The following FBRSL1 variants were observed in gnomAD, a reference collection of about 807,000 sequenced individuals.
FBRSL1 encodes the protein fibrosin like 1.
A neutral mutation model predicts 89.6 loss-of-function variants in FBRSL1; 51 were observed. The observed-to-expected ratio is 0.57, with a 90% CI of 0.45 to 0.72. FBRSL1 has a LOEUF of 0.72. Ranked by LOEUF, FBRSL1 falls within the 30% of genes least tolerant of loss-of-function variation. The pLI is 0.00. For synonymous variants in FBRSL1, 779 were observed against 681.1 expected (o/e 1.14, Z -2.24); for missense variants, 1,618 against 1,451.8 (o/e 1.11, Z -1.86).
intron 15 of FBRSL1, among the ~76,000 whole-genome samples, chr12:132,579,877 G>C (rs2040625268): frequency 6.6e-6 from 1 of 152,108 alleles, no homozygotes; most frequent in South Asian, 2.1e-4. Flanking sequence ...TCTCCACTGG[G>C]TGTGGTATTC....
At chr12:132,518,414 A>G (rs1310376127) in intron 2 of FBRSL1, among the ~76,000 whole-genome samples, 1 of 150,520 alleles carries the variant, frequency 6.6e-6, no homozygotes, top group Non-Finnish European at 1.5e-5. Flanking sequence ...CCATCCACCC[A>G]TGCGTCCATC....
rs1403008489 is a variant in FBRSL1 at position 132,583,591 on chromosome 12, GGCTCCTGGC to G, written c.2825_2833del (p.Leu942_Ala944del). On this transcript the variant is annotated inframe_deletion, in exon 19 of 19. Transcript: ENST00000680143. ...CTCTCGCCCGCCGCGCTGCACAATGGGCTCCTGGCGCGGACCCCGCCCGCCGCCGCCGCC... is the reference window on the plus strand; with the variant it reads ...CTCTCGCCCGCCGCGCTGCACAATGGGCGGACCCCGCCCGCCGCCGCCGCC... 3 of 996,246 alleles carry G rather than the reference GGCTCCTGGC, an allele frequency of 3.0e-6. No individual in the cohort carries two copies. The African/African-American group carries it at 5.3e-5, about 18-fold the overall frequency. The allele number at this position is 996,246 out of a possible 1,614,324, so 61.7% of individuals were successfully genotyped here.
intron 2 of FBRSL1, among the ~76,000 whole-genome samples, chr12:132,508,565 A>C (rs1439363706): frequency 6.6e-6 from 1 of 152,192 alleles, no homozygotes; most frequent in African/African-American, 2.4e-5. Flanking sequence ...TGACGTGCCC[A>C]GGGCCACAGC....
chr12:132,510,375 C>T (rs549903736), intron 2 of FBRSL1: 467 of 1,231,830 alleles, frequency 3.8e-4, no homozygotes, highest in Middle Eastern at 6.2e-4. Context: ...CCGGCCCCTG[C>T]GGTCCCGGTG....
chr12:132,577,057 G>A, intron 15 of FBRSL1, 126 bp downstream of exon 15: 1 of 1,297,122 alleles, frequency 7.7e-7, no homozygotes. Flanking sequence ...GCTTCTTGAT[G>A]CTCACCACTT....
chr12:132,491,961 C>G (rs1462353837), intron 1 of FBRSL1, among the ~76,000 whole-genome samples: 2 of 152,236 alleles, frequency 1.3e-5, no homozygotes, highest in Non-Finnish European at 2.9e-5. Flanking sequence ...ATCACACAGG[C>G]TGGCCATCCT....
At chr12:132,562,670 C>T (rs889170476) in intron 5 of FBRSL1, among the ~76,000 whole-genome samples, 9 of 152,148 alleles carry the variant, frequency 5.9e-5, no homozygotes, top group East Asian at 1.9e-4. Context: ...AACACACGAA[C>T]GTGCGGGGCC....
At position 132,546,145 on chromosome 12, in the gene FBRSL1, C is replaced by T. The variant is rs529852395; in HGVS notation, c.616-1858C>T. Among the ~76,000 whole-genome samples, 83 of 152,358 alleles carry T rather than the reference C, an allele frequency of 5.4e-4. No individual in the cohort carries two copies. Among genetic ancestry groups the T allele is most frequent in the South Asian group, 2.1e-3 (10 of 4,830 alleles). ...CAGGAGCTTGTGGCTTTCCCCTGCC[C>T]CACGTCCTGGTCTTTGCTTCCTTTG... On this transcript the variant is annotated intron_variant, in intron 4 of 18. Coordinates refer to ENST00000680143, the MANE Select transcript of FBRSL1 (RefSeq NM_001367871.1). The surrounding 1 kb of genome is among the most constrained non-coding windows in gnomAD (Gnocchi z 4.0).
rs747049452 is a variant in FBRSL1, at chr12:132,499,880, G to A, written c.292-8273G>A. Among the ~76,000 whole-genome samples the A allele has an allele frequency of 2.6e-5, 4 of 152,184 alleles. No homozygotes were observed. Among genetic ancestry groups the A allele is most frequent in the Non-Finnish European group, 5.9e-5 (4 of 68,022 alleles). Reference sequence around the variant, plus strand: ...GCCTCTGAGCCCCAGCTCCGTTGGCGCAGCAGAGCTGTGCTGATCTGGTTT... The same window carrying A: ...GCCTCTGAGCCCCAGCTCCGTTGGCACAGCAGAGCTGTGCTGATCTGGTTT... On this transcript the variant is annotated intron_variant, in intron 1 of 18. Transcript: ENST00000680143. This position sits in a 1 kb window ranked among gnomAD's most constrained non-coding sequence, Gnocchi z 4.3.
chr12:132,570,291 C>G, intron 7 of FBRSL1, 44 bp from the exon 8 acceptor site: 1 of 1,515,136 alleles, frequency 6.6e-7, no homozygotes, highest in Non-Finnish European at 8.8e-7. Context: ...GATGGGGGCT[C>G]TGCAGGGGTC....
rs1163255178 is a variant in FBRSL1, at chr12:132,525,826, G to A, written c.579+3G>A. On this transcript the variant is annotated splice_donor_region_variant and intron_variant, in intron 3 of 18. Coordinates refer to ENST00000680143, the MANE Select transcript of FBRSL1 (RefSeq NM_001367871.1). ...GCTCCCGGGACCCGCTCAGCGATGT[G>A]AGTACCCAGCTGCCCGCGCCCGGAG... 1.9e-6 allele frequency: 3 copies of A among 1,546,548 alleles called. No individual in the cohort carries two copies. The East Asian group carries it at 7.4e-5, about 38-fold the overall frequency.
Position 132,581,771 on chromosome 12 carries a change from G to A in FBRSL1, c.1943G>A (p.Gly648Asp), listed in dbSNP as rs748705106. ...DPFSRPSTFG[G>D]LGSLSSHAFG... Reference sequence around the variant, plus strand: ...TTCAGCAGACCGAGCACCTTTGGGGGCCTGGGCAGCCTGAGCAGCCACGCC... The same window carrying A: ...TTCAGCAGACCGAGCACCTTTGGGGACCTGGGCAGCCTGAGCAGCCACGCC... The change falls in exon 17 of 19, where the codon GGC becomes GAC. Residue 648 changes from glycine (G) to aspartate (D), a missense_variant. By Grantham distance (94) the Gly-to-Asp change is moderately conservative. Transcript: ENST00000680143. The A allele has an allele frequency of 3.5e-5, 55 of 1,549,434 alleles. No individual in the cohort carries two copies. The highest frequency in any genetic ancestry group is 5.9e-5 in the South Asian group (5 of 84,034).
At chr12:132,553,709 G>T (rs891521451) in intron 5 of FBRSL1, 57 of 152,366 alleles carry the variant, frequency 3.7e-4, no homozygotes, top group African/African-American at 1.4e-3. Context: ...GCAGAAGCGG[G>T]GCCTGGCTGA....
intron 9 of FBRSL1, 28 bp downstream of exon 9, chr12:132,571,259 GC>G: frequency 6.8e-7 from 1 of 1,478,782 alleles, no homozygotes. Context: ...CCCGCCGGGA[GC>G]CCGCGGCCAA....
At chr12:132,537,774 G>A (rs540442078) in intron 4 of FBRSL1, among the ~76,000 whole-genome samples, 6 of 152,172 alleles carry the variant, frequency 3.9e-5, no homozygotes, top group Non-Finnish European at 5.9e-5. Flanking sequence ...AGCCCAGGCC[G>A]CCCACACGTG....
At chr12:132,560,523 G>C (rs2137613402) in intron 5 of FBRSL1, among the ~76,000 whole-genome samples, 1 of 152,180 alleles carries the variant, frequency 6.6e-6, no homozygotes, top group East Asian at 1.9e-4. Flanking sequence ...TCTGCGCCCA[G>C]GTGCGGAATC....
chr12:132,498,186 G>A (rs972321186), intron 1 of FBRSL1, among the ~76,000 whole-genome samples: 2 of 152,166 alleles, frequency 1.3e-5, no homozygotes, highest in Non-Finnish European at 2.9e-5. Context: ...CCACAGCTAC[G>A]TGCCCCCTGT....
At chr12:132,520,591 A>C (rs979488681) in intron 2 of FBRSL1, among the ~76,000 whole-genome samples, 9 of 152,316 alleles carry the variant, frequency 5.9e-5, no homozygotes, top group Non-Finnish European at 1.2e-4. Flanking sequence ...GCTCCTCCCG[A>C]CCAGGGACAT....
intron 2 of FBRSL1, among the ~76,000 whole-genome samples, chr12:132,508,582 G>A (rs539008790): frequency 9.0e-4 from 137 of 152,352 alleles, no homozygotes; most frequent in African/African-American, 3.2e-3. Context: ...CAGCAGGAGA[G>A]GTGCCTGTCT....
Sources: gnomAD v4.1 joint callset for allele counts (sites outside exome capture counted in the v4.1 genomes callset) on GRCh38, gnomAD v4.1.1 for gene constraint, Gnocchi (gnomAD v3.1) non-coding constraint, MANE v1.5 for transcripts, NCBI Gene and HGNC (gene_info 2026-07-23, HGNC 2026-07-21) for gene names.